The following ORC3 variants were observed in gnomAD, a reference collection of about 807,000 sequenced individuals.
ORC3 encodes the protein origin recognition complex subunit 3.
A neutral mutation model predicts 100.7 loss-of-function variants in ORC3; 78 were observed. That is an observed-to-expected ratio of 0.77 (90% confidence interval 0.65 to 0.94). ORC3 has a LOEUF of 0.94. Among genes scored for constraint, ORC3 ranks in the 40% least tolerant of loss-of-function variants. ORC3 has a pLI of 0.00. For synonymous variants in ORC3, 295 were observed against 289.3 expected (o/e 1.02, Z -0.20); for missense variants, 789 against 823.9 (o/e 0.96, Z 0.52).
chr6:87,632,778 C>T (rs1315489843), intron 11 of ORC3, among the ~76,000 whole-genome samples: 2 of 152,148 alleles, frequency 1.3e-5, no homozygotes, highest in African/African-American at 4.8e-5. Flanking sequence ...GCAAGAGAAT[C>T]ACTTGAACCT....
chr6:87,676,063 T>C, the ORC3 span: 4 of 674,676 alleles, frequency 5.9e-6, no homozygotes, highest in Admixed American at 6.3e-5. Context: ...GTAGTACTAA[T>C]AGTGTATCAA....
chr6:87,668,853 G>A (rs1718354138), downstream of ORC3, among the ~76,000 whole-genome samples: 1 of 152,044 alleles, frequency 6.6e-6, no homozygotes, highest in Admixed American at 6.6e-5. Context: ...CGTGTTGGTG[G>A]GCGCCTGTAA....
At chr6:87,619,809 A>G (rs1435541806) in intron 9 of ORC3, among the ~76,000 whole-genome samples, 1 of 152,152 alleles carries the variant, frequency 6.6e-6, no homozygotes, top group Non-Finnish European at 1.5e-5. Context: ...AAGTGACAGC[A>G]TCTTTAGACC....
At chr6:87,673,903 C>T in the ORC3 span, among the ~76,000 whole-genome samples, 21 of 151,852 alleles carry the variant, frequency 1.4e-4, no homozygotes, top group Non-Finnish European at 3.1e-4. Flanking sequence ...TGTGCTATAC[C>T]AATGTTTCTC....
At chr6:87,664,299 C>G (rs565099388) in intron 17 of ORC3, among the ~76,000 whole-genome samples, 1 of 151,958 alleles carries the variant, frequency 6.6e-6, no homozygotes, top group Non-Finnish European at 1.5e-5. Context: ...GTGTTGACAA[C>G]GTAGTCTTTT....
chr6:87,656,844 T>C, intron 14 of ORC3, 62 bp from the exon 15 acceptor site: 1 of 1,095,004 alleles, frequency 9.1e-7, no homozygotes, highest in Non-Finnish European at 1.4e-6. Flanking sequence ...GTAGTAGAAA[T>C]GTTTGTTCCC....
At chr6:87,667,806 G>A (rs1278661264), downstream of ORC3, among the ~76,000 whole-genome samples, 1 of 152,124 alleles carries the variant, frequency 6.6e-6, no homozygotes, top group East Asian at 1.9e-4. Context: ...GCACATGCCT[G>A]TAGTCCCAGC....
intron 2 of ORC3, among the ~76,000 whole-genome samples, chr6:87,599,177 T>C (rs1777690160): frequency 1.3e-5 from 2 of 152,154 alleles, no homozygotes; most frequent in Non-Finnish European, 2.9e-5. Context: ...TACTGCTGTG[T>C]TTCCCAGTTT....
chr6:87,633,989 G>T (rs1324692068), intron 11 of ORC3, among the ~76,000 whole-genome samples: 3 of 152,026 alleles, frequency 2.0e-5, no homozygotes, highest in African/African-American at 7.3e-5. Context: ...CTAATATGGC[G>T]AGTAGGGCTA....
At chr6:87,624,828 T>C (rs995350693) in intron 11 of ORC3, among the ~76,000 whole-genome samples, 1 of 151,776 alleles carries the variant, frequency 6.6e-6, no homozygotes, top group African/African-American at 2.4e-5. Context: ...TATCTCCTAA[T>C]GCTATCCTTC....
At chr6:87,636,747 A>T (rs1390815919) in intron 13 of ORC3, among the ~76,000 whole-genome samples, 1 of 152,222 alleles carries the variant, frequency 6.6e-6, no homozygotes, top group Non-Finnish European at 1.5e-5. Context: ...TCAAATACTG[A>T]CACTACCCTA....
intron 14 of ORC3, among the ~76,000 whole-genome samples, chr6:87,656,278 A>G (rs1354051142): frequency 1.3e-5 from 2 of 152,252 alleles, no homozygotes; most frequent in Non-Finnish European, 2.9e-5. Context: ...TTAAAAAGCT[A>G]TGTATAACAT....
At chr6:87,603,594 T>C in intron 4 of ORC3, 66 bp downstream of exon 4, 3 of 1,067,600 alleles carry the variant, frequency 2.8e-6, no homozygotes, top group South Asian at 2.5e-5. Context: ...TTTTTTTTAT[T>C]GTTGAGAATA....
chr6:87,673,937 G>A, the ORC3 span, among the ~76,000 whole-genome samples: 1 of 151,954 alleles, frequency 6.6e-6, no homozygotes, highest in Non-Finnish European at 1.5e-5. Flanking sequence ...CATATAAATT[G>A]CCTGGGCACC....
chr6:87,610,049 T>C (rs750870140), intron 7 of ORC3, among the ~76,000 whole-genome samples: 9 of 152,194 alleles, frequency 5.9e-5, no homozygotes, highest in Non-Finnish European at 1.2e-4. Flanking sequence ...ATTGAAATAA[T>C]GAACTCTTAT....
intron 13 of ORC3, among the ~76,000 whole-genome samples, chr6:87,648,812 A>T (rs1769012650): frequency 6.6e-6 from 1 of 152,220 alleles, no homozygotes; most frequent in African/African-American, 2.4e-5. Flanking sequence ...TTATTTAATC[A>T]GACCCTTTTT....
chr6:87,675,949 T>C, the ORC3 span: 1 of 1,597,576 alleles, frequency 6.3e-7, no homozygotes, highest in Non-Finnish European at 8.5e-7. Flanking sequence ...TAAAGGTACT[T>C]GTCAATTACA....
intron 10 of ORC3, among the ~76,000 whole-genome samples, 178 bp downstream of exon 10, chr6:87,621,665 G>A (rs1170144351): frequency 6.6e-6 from 1 of 152,020 alleles, no homozygotes; most frequent in African/African-American, 2.4e-5. Context: ...TTTTTACAAA[G>A]GGACATAATT....
intron 2 of ORC3, among the ~76,000 whole-genome samples, chr6:87,597,379 G>C (rs1475765514): frequency 1.3e-5 from 2 of 152,096 alleles, no homozygotes; most frequent in African/African-American, 2.4e-5. Context: ...TTTTGGATTA[G>C]AGATGCTCAA....
Sources: allele counts gnomAD v4.1 joint callset (sites outside exome capture counted in the v4.1 genomes callset), GRCh38; gene constraint gnomAD v4.1.1; transcripts MANE v1.5; gene names NCBI Gene and HGNC (gene_info 2026-07-23, HGNC 2026-07-21).